HDAC9: variants seen among roughly 807,000 people sequenced by gnomAD.
HDAC9 encodes the protein MEF-2 interacting transcription repressor (MITR) protein.
HDAC9 carries 41 observed loss-of-function variants against 139.4 expected under a neutral mutation model. The ratio of observed to expected loss-of-function variants is 0.29; its 90% CI spans 0.23 to 0.38. The LOEUF (loss-of-function observed/expected upper bound fraction) is 0.38, where lower values mean the gene tolerates loss of function less well. HDAC9 is among the 10% of genes least tolerant of loss of function. The probability of loss-of-function intolerance (pLI) is 1.00; values close to 1 mark genes in which losing one functional copy is unlikely to be tolerated. For synonymous variants in HDAC9, 517 were observed against 476.2 expected, an observed-to-expected ratio of 1.09 and a Z score of -1.12; for missense variants, 1,147 against 1,297.0, an observed-to-expected ratio of 0.88 and a Z score of 1.78.
chr7:18,543,262 G>A (rs956854835), intron 2 of HDAC9: 1 of 152,174 alleles, frequency 6.6e-6, no homozygotes, highest in African/African-American at 2.4e-5. Flanking sequence ...CGACATGGAA[G>A]ATTTTCTGAG....
chr7:18,683,771 G>C (rs148376850), intron 12 of HDAC9, among the ~76,000 whole-genome samples: 2 of 152,102 alleles, frequency 1.3e-5, no homozygotes, highest in Non-Finnish European at 2.9e-5. Flanking sequence ...AACTCTGCTT[G>C]TTAACAAACT....
chr7:18,941,733 G>GA (rs1782043070), intron 23 of HDAC9, among the ~76,000 whole-genome samples: 1 of 152,130 alleles, frequency 6.6e-6, no homozygotes. Flanking sequence ...TCCATACTCT[G>GA]AAAGAGAATG....
intron 1 of HDAC9, among the ~76,000 whole-genome samples, chr7:18,448,424 G>GATCC (rs960289739): frequency 1.3e-5 from 2 of 152,076 alleles, no homozygotes; most frequent in Non-Finnish European, 2.9e-5. Context: ...TATCACCTTT[G>GATCC]ATCCCATAAC....
At chr7:18,392,315 T>TCTCTCACA (rs1554402177) in intron 1 of HDAC9, among the ~76,000 whole-genome samples, 4 of 119,352 alleles carry the variant, frequency 3.4e-5, no homozygotes, top group African/African-American at 1.0e-4. Flanking sequence ...TCTCTCTCTC[T>TCTCTCACA]CACACACACA....
At chr7:18,694,176 C>T (rs992636962) in intron 12 of HDAC9, among the ~76,000 whole-genome samples, 2 of 151,978 alleles carry the variant, frequency 1.3e-5, no homozygotes, top group African/African-American at 4.8e-5. Flanking sequence ...CCTCATCATG[C>T]AATAAATGGA....
chr7:18,141,266 A>G (rs924549199), intron 1 of HDAC9, among the ~76,000 whole-genome samples: 3 of 152,190 alleles, frequency 2.0e-5, no homozygotes, highest in Non-Finnish European at 4.4e-5. Flanking sequence ...ATCTACTTTA[A>G]AAAACATTTT....
intron 21 of HDAC9, among the ~76,000 whole-genome samples, chr7:18,860,442 T>TA (rs1381732279): frequency 5.3e-5 from 8 of 152,208 alleles, no homozygotes; most frequent in Admixed American, 4.6e-4. Context: ...TTTGGAAAGA[T>TA]ACATGTTGCA....
upstream of HDAC9, among the ~76,000 whole-genome samples, chr7:18,494,051 T>G (rs995950414): frequency 6.6e-6 from 1 of 152,108 alleles, no homozygotes; most frequent in African/African-American, 2.4e-5. Flanking sequence ...ATTTTACACA[T>G]AAATTTTGTA....
At chr7:18,571,090 A>C (rs1458166748) in intron 2 of HDAC9, among the ~76,000 whole-genome samples, 3 of 152,270 alleles carry the variant, frequency 2.0e-5, no homozygotes, top group African/African-American at 7.2e-5. Context: ...TGTGGCAATA[A>C]CATAAATATA....
intron 6 of HDAC9, among the ~76,000 whole-genome samples, chr7:18,610,901 A>T (rs2128908171): frequency 1.3e-5 from 2 of 152,324 alleles, no homozygotes; most frequent in South Asian, 4.1e-4. Context: ...AAGTTTATTC[A>T]GAAGCAGGAT....
chr7:18,948,720 A>G (rs1031286254), intron 23 of HDAC9, among the ~76,000 whole-genome samples: 10 of 152,294 alleles, frequency 6.6e-5, no homozygotes, highest in African/African-American at 2.2e-4. Context: ...GTGGAGTTCC[A>G]TCTTAGAAAA....
At position 18,863,347 on chromosome 7, in the gene HDAC9, A is replaced by C. The variant is rs566297361; in HGVS notation, c.2685-11131A>C. ...GTCCAACCCATGGCCCATGGGCCACATGGGGCCCAGGACGGCTTTGAACGT... is the reference window on the plus strand; with the variant it reads ...GTCCAACCCATGGCCCATGGGCCACCTGGGGCCCAGGACGGCTTTGAACGT... On this transcript the variant is annotated intron_variant, in intron 21 of 25. Transcript: ENST00000686413. 1.8e-4 allele frequency among the ~76,000 whole-genome samples: 27 copies of C among 152,274 alleles called. No individual in the cohort carries two copies. The South Asian group carries it at 5.0e-3, about 28-fold the overall frequency.
At chr7:18,911,794 T>G (rs545099409) in intron 22 of HDAC9, among the ~76,000 whole-genome samples, 2 of 152,172 alleles carry the variant, frequency 1.3e-5, no homozygotes, top group African/African-American at 4.8e-5. Context: ...ATCCATGTAT[T>G]TGTACAGTTT....
At chr7:18,362,353 C>A (rs1043650161) in intron 1 of HDAC9, among the ~76,000 whole-genome samples, 2 of 152,064 alleles carry the variant, frequency 1.3e-5, no homozygotes, top group Non-Finnish European at 2.9e-5. Context: ...TTTCTATTAT[C>A]TTTGTAGAAG....
intron 14 of HDAC9, 45 bp downstream of exon 14, chr7:18,749,183 A>T: frequency 6.3e-7 from 1 of 1,589,894 alleles, no homozygotes; most frequent in Non-Finnish European, 8.6e-7. Flanking sequence ...TAAATAAATC[A>T]TGTAAAGAGG....
At chr7:18,177,685 C>T (rs1342627859) in intron 2 of HDAC9, among the ~76,000 whole-genome samples, 2 of 152,186 alleles carry the variant, frequency 1.3e-5, no homozygotes, top group East Asian at 3.9e-4. Flanking sequence ...CTGGGGTTGT[C>T]TTCTCTAATA....
At chr7:18,882,073 G>A (rs1799780371) in intron 22 of HDAC9, among the ~76,000 whole-genome samples, 1 of 152,076 alleles carries the variant, frequency 6.6e-6, no homozygotes, top group South Asian at 2.1e-4. Context: ...CAAGTGCCTG[G>A]AACATAGTCT....
intron 1 of HDAC9, among the ~76,000 whole-genome samples, chr7:18,464,046 G>A (rs938518072): frequency 6.6e-6 from 1 of 151,900 alleles, no homozygotes; most frequent in African/African-American, 2.4e-5. Flanking sequence ...AGGGAAATAT[G>A]TTAAAATCTC....
intron 1 of HDAC9, among the ~76,000 whole-genome samples, chr7:18,367,894 C>G (rs1234395260): frequency 6.6e-6 from 1 of 152,036 alleles, no homozygotes; most frequent in Non-Finnish European, 1.5e-5. Context: ...TTCGTGTGAT[C>G]ATTTGCACTT....
Sources: allele counts gnomAD v4.1 joint callset (sites outside exome capture counted in the v4.1 genomes callset), GRCh38; gene constraint gnomAD v4.1.1; transcripts MANE v1.5; gene names NCBI Gene and HGNC (gene_info 2026-07-23, HGNC 2026-07-21).